The following GPC5 variants were observed in gnomAD, a reference collection of about 807,000 sequenced individuals.
GPC5 encodes glypican 5.
In GPC5, 47 loss-of-function variants were observed where a neutral mutation model predicts 53.9. The ratio of observed to expected loss-of-function variants is 0.87; its 90% confidence interval spans 0.69 to 1.11. GPC5 has a LOEUF of 1.11. Among genes scored for constraint, GPC5 ranks in the 50% most tolerant of loss-of-function variants. The probability of loss-of-function intolerance (pLI) is 0.00; values close to 1 mark genes in which losing one functional copy is unlikely to be tolerated. For missense variants in GPC5, 748 were observed against 713.1 expected, an observed-to-expected ratio of 1.05 and a Z score of -0.56; for synonymous variants, 286 against 263.3, an observed-to-expected ratio of 1.09 and a Z score of -0.84.
intron 2 of GPC5, among the ~76,000 whole-genome samples, chr13:91,451,742 C>T (rs555093527): frequency 5.5e-4 from 83 of 151,976 alleles, no homozygotes; most frequent in Non-Finnish European, 7.9e-4. Context: ...CTCAGCCTCC[C>T]GAGCAGCTGG....
At chr13:92,536,224 G>A (rs1881717807) in intron 7 of GPC5, among the ~76,000 whole-genome samples, 1 of 152,104 alleles carries the variant, frequency 6.6e-6, no homozygotes, top group African/African-American at 2.4e-5. Context: ...TTTGACTATA[G>A]TTCCCAACTA....
intron 2 of GPC5, among the ~76,000 whole-genome samples, chr13:91,692,607 G>A (rs540158513): frequency 1.2e-4 from 18 of 152,084 alleles, no homozygotes; most frequent in Non-Finnish European, 2.4e-4. Context: ...ATAGAATAAA[G>A]TAAGAAACTA....
intron 2 of GPC5, among the ~76,000 whole-genome samples, chr13:91,677,664 A>C (rs1350824968): frequency 6.6e-6 from 1 of 152,192 alleles, no homozygotes; most frequent in Non-Finnish European, 1.5e-5. Context: ...CTTATTTTAA[A>C]AATTCTTGAA....
At chr13:91,574,715 A>G (rs1301925221) in intron 2 of GPC5, among the ~76,000 whole-genome samples, 1 of 152,100 alleles carries the variant, frequency 6.6e-6, no homozygotes, top group Non-Finnish European at 1.5e-5. Context: ...AATTGCCATG[A>G]AAGTAAAGGG....
chr13:91,466,797 CA>C (rs1882267081), intron 2 of GPC5, among the ~76,000 whole-genome samples: 1 of 152,092 alleles, frequency 6.6e-6, no homozygotes, highest in Non-Finnish European at 1.5e-5. Context: ...GACTGATTTA[CA>C]ATGTCCTCAT....
intron 7 of GPC5, among the ~76,000 whole-genome samples, chr13:92,193,724 C>T (rs547347714): frequency 2.0e-5 from 3 of 152,292 alleles, no homozygotes; most frequent in East Asian, 3.9e-4. Flanking sequence ...TACACCCATT[C>T]GGCTCTGCCC....
At chr13:92,712,983 C>T (rs1406591971) in intron 7 of GPC5, among the ~76,000 whole-genome samples, 1 of 151,986 alleles carries the variant, frequency 6.6e-6, no homozygotes, top group East Asian at 1.9e-4. Flanking sequence ...AGCCTCCAAA[C>T]CTGTGAGAAT....
intron 7 of GPC5, among the ~76,000 whole-genome samples, chr13:92,616,051 C>T (rs1429589535): frequency 1.3e-5 from 2 of 152,158 alleles, no homozygotes; most frequent in African/African-American, 4.8e-5. Context: ...GAGACTCCGT[C>T]TCAAAAAATC....
At chr13:92,805,510 CA>C (rs1877062836) in intron 7 of GPC5, among the ~76,000 whole-genome samples, 1 of 152,038 alleles carries the variant, frequency 6.6e-6, no homozygotes, top group African/African-American at 2.4e-5. Flanking sequence ...GATCATGCCT[CA>C]CTGCAGCCTC....
intron 7 of GPC5, among the ~76,000 whole-genome samples, chr13:92,401,673 A>G (rs1875565569): frequency 1.3e-5 from 2 of 152,174 alleles, no homozygotes; most frequent in African/African-American, 4.8e-5. Flanking sequence ...TCTGGAAGTT[A>G]TTTCATTATG....
chr13:92,050,347 A>G (rs1343998657), intron 6 of GPC5, among the ~76,000 whole-genome samples: 1 of 152,174 alleles, frequency 6.6e-6, no homozygotes, highest in East Asian at 1.9e-4. Context: ...GCAATAAGGA[A>G]TAGCATATCC....
chr13:92,022,537 T>A (rs2040767795), intron 6 of GPC5, among the ~76,000 whole-genome samples: 1 of 152,154 alleles, frequency 6.6e-6, no homozygotes, highest in South Asian at 2.1e-4. Flanking sequence ...TGGTGGATCT[T>A]AATAATTGTG....
At chr13:92,724,909 CACAA>C (rs767547161) in intron 7 of GPC5, among the ~76,000 whole-genome samples, 1,534 of 146,044 alleles carry the variant, frequency 0.011, 20 homozygotes, top group African/African-American at 0.031. Context: ...CACACACACA[CACAA>C]GAAAGAAAAA....
At chr13:92,009,054 T>G (rs1352436533) in intron 6 of GPC5, among the ~76,000 whole-genome samples, 1 of 152,166 alleles carries the variant, frequency 6.6e-6, no homozygotes, top group Admixed American at 6.5e-5. Context: ...TGCCTAATTA[T>G]TTTATGTTTT....
At chr13:91,906,887 G>A (rs2039558263) in intron 5 of GPC5, among the ~76,000 whole-genome samples, 1 of 151,646 alleles carries the variant, frequency 6.6e-6, no homozygotes, top group African/African-American at 2.4e-5. Context: ...CCTCTACTTA[G>A]AAAATATTTT....
intron 2 of GPC5, among the ~76,000 whole-genome samples, chr13:91,541,898 ATGG>A (rs2029957458): frequency 6.6e-6 from 1 of 151,568 alleles, no homozygotes; most frequent in Non-Finnish European, 1.5e-5. Flanking sequence ...TTTTTCGTAA[ATGG>A]TGGAGTCTGA....
chr13:92,767,707 A>T (rs1433065748), intron 7 of GPC5, among the ~76,000 whole-genome samples: 1 of 151,996 alleles, frequency 6.6e-6, no homozygotes, highest in Non-Finnish European at 1.5e-5. Flanking sequence ...TTTCTCTTTC[A>T]TTTTCTAATG....
chr13:91,571,896 T>TGTGTGTGTATAC (rs2031854351), intron 2 of GPC5, among the ~76,000 whole-genome samples: 2 of 76,018 alleles, frequency 2.6e-5, no homozygotes, highest in Non-Finnish European at 2.5e-5. Flanking sequence ...CGTGTGTATA[T>TGTGTGTGTATAC]ACACATATTG....
chr13:91,749,134 C>T (rs1368166844), intron 4 of GPC5, among the ~76,000 whole-genome samples: 3 of 152,018 alleles, frequency 2.0e-5, no homozygotes, highest in African/African-American at 7.3e-5. Flanking sequence ...TAACCATCAT[C>T]CAAATAGTGT....
Sources: allele counts gnomAD v4.1 joint callset (sites outside exome capture counted in the v4.1 genomes callset), GRCh38; gene constraint gnomAD v4.1.1; transcripts MANE v1.5; gene names NCBI Gene and HGNC (gene_info 2026-07-23, HGNC 2026-07-21).